NTNG1: variants seen among roughly 807,000 people sequenced by gnomAD.
The protein encoded by NTNG1 is netrin G1, also known as netrin-G1.
In NTNG1, 16 loss-of-function variants were observed where a neutral mutation model predicts 54.0. The observed-to-expected ratio is 0.30, with a 90% CI of 0.20 to 0.45. The LOEUF is 0.45. NTNG1 is among the 20% of genes least tolerant of loss of function. NTNG1 has a pLI of 1.00. For synonymous variants in NTNG1, 255 were observed against 263.1 expected, an observed-to-expected ratio of 0.97 and a Z score of 0.30; for missense variants, 530 against 678.7, an observed-to-expected ratio of 0.78 and a Z score of 2.43.
At chr1:107,194,006 C>G (rs1430366158) in intron 2 of NTNG1, among the ~76,000 whole-genome samples, 1 of 151,930 alleles carries the variant, frequency 6.6e-6, no homozygotes, top group Non-Finnish European at 1.5e-5. Flanking sequence ...TTTATCTCAC[C>G]ATTTATCTAA....
At chr1:107,357,349 T>C (rs1669993544) in intron 3 of NTNG1, among the ~76,000 whole-genome samples, 1 of 151,994 alleles carries the variant, frequency 6.6e-6, no homozygotes, top group South Asian at 2.1e-4. Flanking sequence ...GCAGTGAGCA[T>C]GAGAAAGGGA....
At chr1:107,426,256 G>A (rs937514809) in intron 5 of NTNG1, among the ~76,000 whole-genome samples, 1 of 151,898 alleles carries the variant, frequency 6.6e-6, no homozygotes, top group African/African-American at 2.4e-5. Flanking sequence ...AGGCTGATGT[G>A]CAAAAGAGTT....
rs71098633 is a variant in NTNG1 at position 107,482,055 on chromosome 1, C to CAAAAAAAAAAAAAAAAAA, written c.*1225_*1242dup. The CAAAAAAAAAAAAAAAAAA allele has an allele frequency of 1.8e-4, 21 of 114,486 alleles. 1 individual carries two copies. Among genetic ancestry groups the CAAAAAAAAAAAAAAAAAA allele is most frequent in the Non-Finnish European group, 3.2e-4 (18 of 55,484 alleles). 7.1% of individuals were successfully genotyped at this position (114,486 alleles called of 1,614,324 possible). On this transcript the variant is annotated 3_prime_UTR_variant, in exon 8 of 8. Transcript: ENST00000370068. ...TTCCACTTGGGAAAAATTACAACAG[C>CAAAAAAAAAAAAAAAAAA]AAAAAAAAAAAAAAAAAAAAAAAAA...
At position 107,148,479 on chromosome 1, in the gene NTNG1, C is replaced by G; in HGVS notation, c.-115C>G. ...TTCATTTAAAAAAAAATACAGAGACCTACCTACCCGTACGCATACATACAT... is the reference window on the plus strand; with the variant it reads ...TTCATTTAAAAAAAAATACAGAGACGTACCTACCCGTACGCATACATACAT... On this transcript the variant is annotated 5_prime_UTR_variant, in exon 2 of 8. Coordinates refer to ENST00000370068, the MANE Select transcript of NTNG1 (RefSeq NM_001113226.3). The G allele has an allele frequency of 1.0e-6, 1 of 962,442 alleles. No homozygotes were observed. Among genetic ancestry groups the G allele is most frequent in the Non-Finnish European group, 1.6e-6 (1 of 637,016 alleles). 59.6% of individuals were successfully genotyped at this position (962,442 alleles called of 1,614,324 possible).
intron 2 of NTNG1, among the ~76,000 whole-genome samples, chr1:107,179,125 A>T (rs1656875514): frequency 6.6e-6 from 1 of 152,134 alleles, no homozygotes. Context: ...TTAGAGGGGG[A>T]CAGTGAATAA....
intron 3 of NTNG1, among the ~76,000 whole-genome samples, chr1:107,385,187 G>A (rs183201306): frequency 9.2e-5 from 14 of 152,302 alleles, no homozygotes; most frequent in African/African-American, 2.9e-4. Context: ...ACAGACTCAC[G>A]TTAACAGTGC....
intron 2 of NTNG1, among the ~76,000 whole-genome samples, chr1:107,309,640 T>A (rs527379617): frequency 2.6e-5 from 4 of 152,190 alleles, no homozygotes; most frequent in Non-Finnish European, 4.4e-5. Context: ...GCTTCATCGC[T>A]TGTTTGAGAT....
At position 107,162,724 on chromosome 1, in the gene NTNG1, C is replaced by T. The variant is rs556107475; in HGVS notation, c.246+13885C>T. Among the ~76,000 whole-genome samples the T allele has an allele frequency of 1.5e-3, 231 of 152,274 alleles. 1 individual carries two copies. The highest frequency in any genetic ancestry group is 2.0e-3 in the Non-Finnish European group (137 of 68,008). Reference sequence around the variant, plus strand: ...ATTAAAAGATATACTCTGACCTATACAATTTGTATAAAAGTCCTTCTTTTA... The same window carrying T: ...ATTAAAAGATATACTCTGACCTATATAATTTGTATAAAAGTCCTTCTTTTA... On this transcript the variant is annotated intron_variant, in intron 2 of 7. Transcript: ENST00000370068.
chr1:107,482,126 A>G lies in NTNG1; in HGVS notation c.*1286A>G, dbSNP rs1678765552. On this transcript the variant is annotated 3_prime_UTR_variant, in exon 8 of 8. Coordinates refer to ENST00000370068, the MANE Select transcript of NTNG1 (RefSeq NM_001113226.3). ...TTATGCCAAAGCCTGTTGGCAGAGT[A>G]CTAAGAGACTTTTATTTTTAAGTCA... is the stretch of plus-strand genomic sequence containing the variant. 1 of 149,094 alleles carries G rather than the reference A, an allele frequency of 6.7e-6. No individual in the cohort carries two copies. Among genetic ancestry groups the G allele is most frequent in the Non-Finnish European group, 1.5e-5 (1 of 67,302 alleles). The allele number at this position is 149,094 out of a possible 1,614,324, so 9.2% of individuals were successfully genotyped here. A position where few individuals can be genotyped will look rare whatever the true frequency, so the allele number is the denominator to read the frequency against.
At chr1:107,436,379 A>G (rs1435807817) in intron 6 of NTNG1, among the ~76,000 whole-genome samples, 9 of 152,196 alleles carry the variant, frequency 5.9e-5, no homozygotes, top group Admixed American at 6.5e-5. Context: ...ACCATCTAAA[A>G]ATATCCTAAC....
chr1:107,329,440 A>G (rs7524290), intron 3 of NTNG1, among the ~76,000 whole-genome samples: 116,759 of 152,202 alleles, frequency 0.77, 47,093 homozygotes, highest in Non-Finnish European at 0.9. Context: ...TTGAAGCACA[A>G]CTTCCACATG....
At chr1:107,172,837 A>G (rs1656353469) in intron 2 of NTNG1, among the ~76,000 whole-genome samples, 1 of 152,138 alleles carries the variant, frequency 6.6e-6, no homozygotes, top group Admixed American at 6.6e-5. Flanking sequence ...TTTTCGAGCA[A>G]TAGGTACTTG....
chr1:107,423,401 A>G (rs948158546), intron 5 of NTNG1, among the ~76,000 whole-genome samples: 5 of 151,986 alleles, frequency 3.3e-5, no homozygotes, highest in East Asian at 1.9e-4. Context: ...AAAGCCTACA[A>G]TGCACAGGAC....
chr1:107,215,800 A>G lies in NTNG1; in HGVS notation c.246+66961A>G, dbSNP rs559947458. Among the ~76,000 whole-genome samples the G allele has an allele frequency of 2.0e-4, 31 of 151,674 alleles. No homozygotes were observed. In the East Asian group the frequency reaches 5.0e-3, roughly 25 times the overall value. On this transcript the variant is annotated intron_variant, in intron 2 of 7. Coordinates refer to ENST00000370068, the MANE Select transcript of NTNG1 (RefSeq NM_001113226.3). Reference sequence around the variant, plus strand: ...GAATATGTTTCTATTTGCTTGTGTCATCTATGATTTCTTTCAGCAGGGTTT... The same window carrying G: ...GAATATGTTTCTATTTGCTTGTGTCGTCTATGATTTCTTTCAGCAGGGTTT...
chr1:107,435,367 G>A (rs182035545), intron 6 of NTNG1, among the ~76,000 whole-genome samples: 1 of 152,030 alleles, frequency 6.6e-6, no homozygotes, highest in East Asian at 1.9e-4. Context: ...ACTAAGCCAG[G>A]CAAGGAGAGA....
intron 2 of NTNG1, among the ~76,000 whole-genome samples, chr1:107,156,229 A>G (rs1654986611): frequency 6.6e-6 from 1 of 152,240 alleles, no homozygotes; most frequent in Non-Finnish European, 1.5e-5. Flanking sequence ...AAATTTAGCT[A>G]CTGTACTTGG....
intron 2 of NTNG1, among the ~76,000 whole-genome samples, chr1:107,271,581 G>A (rs1423081946): frequency 5.9e-5 from 9 of 152,176 alleles, no homozygotes; most frequent in East Asian, 3.9e-4. Context: ...AAATAGCTTC[G>A]TTACAATAAC....
chr1:107,477,155 AGGTGG>A (rs1678383951), intron 7 of NTNG1, among the ~76,000 whole-genome samples: 2 of 152,224 alleles, frequency 1.3e-5, no homozygotes, highest in African/African-American at 4.8e-5. Flanking sequence ...TGCACCTCTA[AGGTGG>A]GGTAATGGCT....
chr1:107,190,526 A>G (rs1657825142), intron 2 of NTNG1, among the ~76,000 whole-genome samples: 1 of 152,102 alleles, frequency 6.6e-6, no homozygotes. Context: ...TGCTGCACCC[A>G]TTAACTCGTC....
Sources: allele counts gnomAD v4.1 joint callset (sites outside exome capture counted in the v4.1 genomes callset), GRCh38; gene constraint gnomAD v4.1.1; transcripts MANE v1.5; gene names NCBI Gene and HGNC (gene_info 2026-07-23, HGNC 2026-07-21).